Variants in PAK3 observed in about 807,000 individuals in gnomAD.
PAK3 encodes the protein p21 (RAC1) activated kinase 3, also known as serine/threonine-protein kinase PAK 3.
In PAK3, 4 loss-of-function variants were observed where a neutral mutation model predicts 41.0. The ratio of observed to expected loss-of-function variants is 0.10; its 90% confidence interval spans 0.05 to 0.22. The LOEUF is 0.22. Among genes scored for constraint, PAK3 ranks in the 10% least tolerant of loss-of-function variants. PAK3 has a pLI of 1.00. For missense variants in PAK3, 205 were observed against 409.9 expected, an observed-to-expected ratio of 0.50 and a Z score of 4.32; for synonymous variants, 146 against 139.6, an observed-to-expected ratio of 1.05 and a Z score of -0.32.
chrX:111,114,448 T>C (rs1357646564), intron 4 of PAK3, among the ~76,000 whole-genome samples: 1 of 112,289 alleles, frequency 8.9e-6, no homozygotes, highest in Non-Finnish European at 1.9e-5. Context: ...GAGTAGTACC[T>C]CTCTGTTTTG....
At chrX:110,983,045 C>G (rs1344329172) in intron 1 of PAK3, among the ~76,000 whole-genome samples, 1 of 111,277 alleles carries the variant, frequency 9.0e-6, no homozygotes, top group Non-Finnish European at 1.9e-5. Context: ...TTTAGCTTCA[C>G]CTGCTGGCAC....
chrX:111,019,718 A>T (rs1238196775), intron 1 of PAK3, among the ~76,000 whole-genome samples: 1 of 11,347 alleles, frequency 8.8e-5, no homozygotes, highest in Non-Finnish European at 1.0e-3. Context: ...GAAAGAAAAG[A>T]AAAAGGGGGG....
intron 1 of PAK3, among the ~76,000 whole-genome samples, chrX:110,986,981 A>T (rs2091556113): frequency 2.7e-5 from 3 of 112,234 alleles, no homozygotes; most frequent in Non-Finnish European, 3.8e-5. Context: ...AAACAGAGGG[A>T]TGTTCTCAAC....
chrX:111,090,148 T>C (rs2092918994), intron 1 of PAK3, among the ~76,000 whole-genome samples: 1 of 111,213 alleles, frequency 9.0e-6, no homozygotes, highest in African/African-American at 3.3e-5. Flanking sequence ...TCTCTTCATG[T>C]AGGGCTTTGG....
chrX:110,978,071 T>C (rs1316195342), intron 1 of PAK3, among the ~76,000 whole-genome samples: 1 of 111,978 alleles, frequency 8.9e-6, no homozygotes, highest in Non-Finnish European at 1.9e-5. Flanking sequence ...ATCTGTAGCT[T>C]GTTGAGTGCT....
At chrX:110,947,457 C>G (rs768261945) in intron 1 of PAK3, among the ~76,000 whole-genome samples, 37 of 111,417 alleles carry the variant, frequency 3.3e-4, no homozygotes, top group Non-Finnish European at 6.6e-4. Context: ...AGTTACTAGA[C>G]AGTGTTTTTT....
At chrX:111,155,551 A>G (rs1014914754) in intron 8 of PAK3, among the ~76,000 whole-genome samples, 2 of 110,101 alleles carry the variant, frequency 1.8e-5, no homozygotes, top group African/African-American at 3.3e-5. Context: ...ATCATAAAAT[A>G]TGTTGACATG....
intron 1 of PAK3, among the ~76,000 whole-genome samples, chrX:110,990,309 A>T (rs1475940805): frequency 8.9e-6 from 1 of 112,458 alleles, no homozygotes; most frequent in Non-Finnish European, 1.9e-5. Context: ...TAAACATTTT[A>T]CAACGATGAG....
chrX:111,160,734 G>A (rs1410515687), intron 8 of PAK3, among the ~76,000 whole-genome samples: 1 of 110,182 alleles, frequency 9.1e-6, no homozygotes, highest in Admixed American at 9.7e-5. Flanking sequence ...TTTTGTCCTT[G>A]TGATAGTTTG....
intron 1 of PAK3, among the ~76,000 whole-genome samples, chrX:110,983,529 C>CGTGTGTGTGT (rs113126993): frequency 5.5e-4 from 55 of 100,296 alleles, no homozygotes; most frequent in African/African-American, 2.0e-3. Context: ...TGTATGTCTG[C>CGTGTGTGTGT]GTGTGTGTGT....
chrX:111,010,162 A>T (rs1284595385), intron 1 of PAK3, among the ~76,000 whole-genome samples: 1 of 111,879 alleles, frequency 8.9e-6, no homozygotes, highest in Admixed American at 9.5e-5. Flanking sequence ...CCTCGCTCAG[A>T]TTTATGAGTA....
At chrX:111,061,617 C>T (rs773143908) in intron 1 of PAK3, among the ~76,000 whole-genome samples, 3 of 111,544 alleles carry the variant, frequency 2.7e-5, no homozygotes, top group Non-Finnish European at 5.7e-5. Flanking sequence ...CATAAACAGG[C>T]CCTTTTTCAT....
chrX:111,214,611 G>A (rs1040380611), intron 16 of PAK3, among the ~76,000 whole-genome samples: 8 of 111,156 alleles, frequency 7.2e-5, no homozygotes, highest in African/African-American at 2.6e-4. Flanking sequence ...GAAACTCTTG[G>A]GGTGGCTCAG....
chrX:111,156,473 T>G (rs2094108196), intron 8 of PAK3, among the ~76,000 whole-genome samples: 1 of 112,156 alleles, frequency 8.9e-6, no homozygotes, highest in African/African-American at 3.2e-5. Context: ...TCAGTGGGAC[T>G]CAGTTCCTTA....
chrX:111,082,297 C>G (rs1414435897), intron 1 of PAK3, among the ~76,000 whole-genome samples: 1 of 111,772 alleles, frequency 8.9e-6, no homozygotes, highest in Non-Finnish European at 1.9e-5. Context: ...GGGACTGAGG[C>G]TCTCTATTAC....
At chrX:111,218,630 G>C (rs2094901480) in intron 17 of PAK3, among the ~76,000 whole-genome samples, 1 of 111,454 alleles carries the variant, frequency 9.0e-6, no homozygotes, top group Non-Finnish European at 1.9e-5. Context: ...AGAAAGTGTA[G>C]CTGAAATAAA....
intron 7 of PAK3, among the ~76,000 whole-genome samples, chrX:111,149,780 G>A (rs754628510): frequency 1.2e-4 from 13 of 112,063 alleles, no homozygotes; most frequent in Non-Finnish European, 2.1e-4. Context: ...ATGGGCCTGT[G>A]ATGGGAGGGG....
chrX:111,006,857 T>TTCTTTCTTTC (rs1569504978), intron 1 of PAK3, among the ~76,000 whole-genome samples: 1 of 24,143 alleles, frequency 4.1e-5, no homozygotes, highest in Non-Finnish European at 1.3e-4. Context: ...TTCTTTTTTT[T>TTCTTTCTTTC]TTTTTTTGAT....
chrX:111,028,151 T>C (rs759266487), intron 1 of PAK3, among the ~76,000 whole-genome samples: 4 of 106,655 alleles, frequency 3.8e-5, no homozygotes, highest in Admixed American at 3.1e-4. Context: ...AACTCAGGAG[T>C]GGAAAACCAA....
Sources: allele counts gnomAD v4.1 joint callset (sites outside exome capture counted in the v4.1 genomes callset), GRCh38; gene constraint gnomAD v4.1.1; transcripts MANE v1.5; gene names NCBI Gene and HGNC (gene_info 2026-07-23, HGNC 2026-07-21).